Variants in ZNRF2 observed in about 807,000 individuals in gnomAD.
ZNRF2 encodes the protein zinc and ring finger 2.
In ZNRF2, 16 loss-of-function variants were observed where a neutral mutation model predicts 20.4. That is an observed-to-expected ratio of 0.79 (90% CI 0.53 to 1.19). The LOEUF (loss-of-function observed/expected upper bound fraction) is 1.19, where lower values mean the gene tolerates loss of function less well. ZNRF2 is among the 50% of genes most tolerant of loss of function. ZNRF2 has a pLI of 0.00. For synonymous variants in ZNRF2, 178 were observed against 144.9 expected, an observed-to-expected ratio of 1.23 and a Z score of -1.64; for missense variants, 363 against 332.4, an observed-to-expected ratio of 1.09 and a Z score of -0.72.
chr7:30,332,877 T>G (rs955117179), intron 2 of ZNRF2, among the ~76,000 whole-genome samples: 5 of 152,132 alleles, frequency 3.3e-5, no homozygotes, highest in African/African-American at 1.2e-4. Flanking sequence ...TTTCTTTTCC[T>G]TTGGGTAGAT....
At chr7:30,294,065 C>G (rs1798964830) in intron 1 of ZNRF2, among the ~76,000 whole-genome samples, 1 of 151,868 alleles carries the variant, frequency 6.6e-6, no homozygotes, top group South Asian at 2.1e-4. Context: ...ATTGCCCAGG[C>G]AGGATTATGT....
At chr7:30,362,778 G>A (rs941156109) in intron 4 of ZNRF2, among the ~76,000 whole-genome samples, 2 of 152,050 alleles carry the variant, frequency 1.3e-5, no homozygotes, top group Non-Finnish European at 2.9e-5. Flanking sequence ...AGCCAGGCTT[G>A]GTGGTGCACA....
chr7:30,304,667 A>G (rs1799172153), intron 1 of ZNRF2, among the ~76,000 whole-genome samples: 1 of 152,200 alleles, frequency 6.6e-6, no homozygotes, highest in African/African-American at 2.4e-5. Context: ...GTTTAGGGCC[A>G]TGGGTTGGGT....
intron 2 of ZNRF2, among the ~76,000 whole-genome samples, chr7:30,342,802 G>T (rs192736798): frequency 1.3e-5 from 2 of 151,762 alleles, no homozygotes; most frequent in East Asian, 1.9e-4. Flanking sequence ...ATAAGTAGTG[G>T]TTTTTTTTAG....
At chr7:30,298,520 T>G (rs1453706749) in intron 1 of ZNRF2, among the ~76,000 whole-genome samples, 2 of 152,242 alleles carry the variant, frequency 1.3e-5, no homozygotes, top group Non-Finnish European at 2.9e-5. Flanking sequence ...AAATGGCTTT[T>G]CTTGCCTGGA....
intron 3 of ZNRF2, among the ~76,000 whole-genome samples, chr7:30,356,540 A>G (rs1212566796): frequency 1.3e-5 from 2 of 152,178 alleles, no homozygotes; most frequent in African/African-American, 2.4e-5. Context: ...ATAAGTATAC[A>G]TAACATTTGA....
intron 1 of ZNRF2, among the ~76,000 whole-genome samples, chr7:30,317,162 A>G: frequency 6.6e-6 from 1 of 152,208 alleles, no homozygotes; most frequent in East Asian, 1.9e-4. Context: ...TCTAGAACTG[A>G]GGCCAACTGT....
At chr7:30,312,187 C>G (rs1467255817) in intron 1 of ZNRF2, among the ~76,000 whole-genome samples, 4 of 152,220 alleles carry the variant, frequency 2.6e-5, no homozygotes, top group Middle Eastern at 3.4e-3. Context: ...CATTACATTG[C>G]TCAGGGTGGT....
chr7:30,287,750 C>A (rs542526149), intron 1 of ZNRF2, among the ~76,000 whole-genome samples: 3,938 of 129,664 alleles, frequency 0.03, 40 homozygotes, highest in African/African-American at 0.064. Context: ...GCCTTTCTCA[C>A]CCGGCTTTCT....
In ZNRF2 at chr7:30,292,623, C is replaced by T. The variant is rs538463531; in HGVS notation, c.469+6797C>T. Among the ~76,000 whole-genome samples the T allele has an allele frequency of 7.9e-5, 12 of 151,998 alleles. No homozygotes were observed. In the South Asian group the frequency reaches 2.3e-3, roughly 29 times the overall value. On this transcript the variant is annotated intron_variant, in intron 1 of 4. Transcript: ENST00000323037. ...CCTATCTATAGTTGCTATTTTAAAT[C>T]GGGTTTTAAGGATGACCTCACTGAC... is the stretch of plus-strand genomic sequence containing the variant.
At chr7:30,286,244 C>T (rs1447049173) in intron 1 of ZNRF2, among the ~76,000 whole-genome samples, 1 of 152,122 alleles carries the variant, frequency 6.6e-6, no homozygotes, top group East Asian at 1.9e-4. Context: ...TTTTAAAGGC[C>T]AAAAGTCAAA....
At chr7:30,356,473 G>A (rs1232786082) in intron 3 of ZNRF2, among the ~76,000 whole-genome samples, 1 of 151,946 alleles carries the variant, frequency 6.6e-6, no homozygotes, top group Non-Finnish European at 1.5e-5. Context: ...CAAACCCACT[G>A]GTTGAAAAAC....
At chr7:30,351,074 C>A (rs2160014) in intron 2 of ZNRF2, among the ~76,000 whole-genome samples, 1 of 147,128 alleles carries the variant, frequency 6.8e-6, no homozygotes. Flanking sequence ...TCTGCAATAA[C>A]TATATGGATA....
chr7:30,330,441 C>T (rs1218347922), intron 2 of ZNRF2, among the ~76,000 whole-genome samples: 1 of 152,158 alleles, frequency 6.6e-6, no homozygotes, highest in Non-Finnish European at 1.5e-5. Flanking sequence ...AATTGCTACA[C>T]TGTCTGTGGG....
intron 2 of ZNRF2, among the ~76,000 whole-genome samples, chr7:30,337,195 T>C (rs1302681279): frequency 1.3e-5 from 2 of 152,348 alleles, no homozygotes; most frequent in South Asian, 2.1e-4. Flanking sequence ...TCTTTTCGGA[T>C]TGAATCTTTT....
intron 1 of ZNRF2, among the ~76,000 whole-genome samples, chr7:30,317,616 A>G (rs1478707925): frequency 6.6e-6 from 1 of 152,226 alleles, no homozygotes; most frequent in Non-Finnish European, 1.5e-5. Context: ...AAAGCCTTGT[A>G]CAGGGAATGG....
intron 1 of ZNRF2, chr7:30,288,826 A>G (rs1014774577): frequency 5.2e-4 from 79 of 152,194 alleles, no homozygotes; most frequent in African/African-American, 1.6e-3. Context: ...CCTTTGTTTT[A>G]AAACAGGTCT....
At chr7:30,301,327 AT>A (rs1799110207) in intron 1 of ZNRF2, among the ~76,000 whole-genome samples, 1 of 152,094 alleles carries the variant, frequency 6.6e-6, no homozygotes, top group Non-Finnish European at 1.5e-5. Flanking sequence ...TACTAAAATT[AT>A]AAAAATCAGC....
chr7:30,331,904 T>C (rs1180381925), intron 2 of ZNRF2, among the ~76,000 whole-genome samples: 2 of 152,178 alleles, frequency 1.3e-5, no homozygotes, highest in African/African-American at 2.4e-5. Context: ...TTTATAAAGA[T>C]AATGGATCAG....
Sources: allele counts gnomAD v4.1 joint callset (sites outside exome capture counted in the v4.1 genomes callset), GRCh38; gene constraint gnomAD v4.1.1; transcripts MANE v1.5; gene names NCBI Gene and HGNC (gene_info 2026-07-23, HGNC 2026-07-21).